STK32B: variants seen among roughly 807,000 people sequenced by gnomAD.
STK32B encodes serine/threonine-protein kinase 32B.
Under a neutral mutation model 52.6 loss-of-function variants are expected in STK32B, and 43 were observed. The observed-to-expected ratio is 0.82, with a 90% CI of 0.64 to 1.05. STK32B has a LOEUF of 1.05. Among genes scored for constraint, STK32B ranks in the 50% least tolerant of loss-of-function variants. The pLI is 0.00. For missense variants in STK32B, 621 were observed against 534.6 expected (o/e 1.16, Z -1.59); for synonymous variants, 238 against 204.3 (o/e 1.17, Z -1.41).
At chr4:5,218,896 C>T (rs1214876568) in intron 3 of STK32B, among the ~76,000 whole-genome samples, 1 of 152,194 alleles carries the variant, frequency 6.6e-6, no homozygotes, top group Non-Finnish European at 1.5e-5. Flanking sequence ...TCCCCTTTGA[C>T]TGCCAGGCCC....
chr4:5,473,447 G>A (rs976553818), intron 11 of STK32B, among the ~76,000 whole-genome samples: 8 of 152,128 alleles, frequency 5.3e-5, no homozygotes, highest in Admixed American at 2.0e-4. Flanking sequence ...CTGTACATCC[G>A]TCCTCTGAGC....
In STK32B at chr4:5,076,542, C is replaced by A. The variant is rs189584874; in HGVS notation, c.52+24627C>A. Among the ~76,000 whole-genome samples the A allele has an allele frequency of 7.9e-5, 12 of 152,266 alleles. No individual in the cohort carries two copies. The East Asian group carries it at 2.3e-3, about 29-fold the overall frequency. On this transcript the variant is annotated intron_variant, in intron 1 of 11. Coordinates refer to ENST00000282908, the MANE Select transcript of STK32B (RefSeq NM_018401.3). ...ATGTCTTCTGAATCACAATTTGTTG[C>A]CCTTTATTGCTGATAAACATTTTTT... is the stretch of plus-strand genomic sequence containing the variant.
intron 3 of STK32B, among the ~76,000 whole-genome samples, chr4:5,183,844 C>A (rs1194441159): frequency 6.6e-6 from 1 of 152,172 alleles, no homozygotes. Flanking sequence ...CCTCTGCTAC[C>A]TTTCAGCTTT....
the STK32B span, among the ~76,000 whole-genome samples, chr4:5,024,911 T>G: frequency 1.3e-5 from 2 of 152,166 alleles, no homozygotes; most frequent in African/African-American, 4.8e-5. Flanking sequence ...TCGGGGGAGC[T>G]GCACCCCCAA....
chr4:5,471,519 T>G (rs1037838979), intron 11 of STK32B, among the ~76,000 whole-genome samples: 2 of 151,962 alleles, frequency 1.3e-5, no homozygotes, highest in Non-Finnish European at 2.9e-5. Context: ...CACCTTGATT[T>G]CAGACTCTAG....
intron 4 of STK32B, among the ~76,000 whole-genome samples, chr4:5,354,124 A>G (rs865914533): frequency 1.6e-4 from 24 of 152,358 alleles, no homozygotes; most frequent in Admixed American, 3.9e-4. Flanking sequence ...AAGTGAAATA[A>G]GCCAGACACA....
intron 7 of STK32B, among the ~76,000 whole-genome samples, chr4:5,449,702 C>T (rs1316766160): frequency 1.3e-5 from 2 of 152,174 alleles, no homozygotes; most frequent in Admixed American, 6.5e-5. Context: ...ACTCACATCA[C>T]CACCTGAGCT....
At chr4:5,322,308 G>C (rs28480677) in intron 3 of STK32B, among the ~76,000 whole-genome samples, 36,562 of 152,068 alleles carry the variant, frequency 0.24, 6,272 homozygotes, top group African/African-American at 0.48. Context: ...TTTCTGTAGC[G>C]TGTGAGGCTA....
chr4:5,143,956 TTCACCA>T (rs1716707319), intron 2 of STK32B, among the ~76,000 whole-genome samples: 1 of 152,202 alleles, frequency 6.6e-6, no homozygotes, highest in East Asian at 1.9e-4. Flanking sequence ...TTGAAGCAAG[TTCACCA>T]TCTGTACCTC....
At chr4:5,490,793 A>T (rs1719662787) in intron 11 of STK32B, among the ~76,000 whole-genome samples, 1 of 152,070 alleles carries the variant, frequency 6.6e-6, no homozygotes, top group African/African-American at 2.4e-5. Flanking sequence ...CTCATTGTTC[A>T]ATTCCCAACT....
At chr4:5,317,328 T>TA in intron 3 of STK32B, among the ~76,000 whole-genome samples, 2 of 33,690 alleles carry the variant, frequency 5.9e-5, no homozygotes, top group African/African-American at 6.0e-4. Context: ...ATAATATATA[T>TA]TACATATATA....
intron 3 of STK32B, among the ~76,000 whole-genome samples, chr4:5,323,871 G>A (rs761878805): frequency 1.3e-5 from 2 of 152,176 alleles, no homozygotes; most frequent in Non-Finnish European, 2.9e-5. Context: ...GTGCTATAGG[G>A]CATCAAGCAC....
rs571574649 is a variant in STK32B at position 5,287,030 on chromosome 4, T to C, written c.261-44190T>C. The stretch of plus-strand genomic sequence containing the variant: ...CCAGGCTGGCCTCTAACTCCTGACC[T>C]CGTGTTCCGCCCACCTCGGCCTCCC... On this transcript the variant is annotated intron_variant, in intron 3 of 11. Transcript: ENST00000282908. Among the ~76,000 whole-genome samples the C allele has an allele frequency of 3.2e-3, 482 of 152,180 alleles. 3 individuals carry two copies. Among genetic ancestry groups the C allele is most frequent in the African/African-American group, 0.011 (460 of 41,524 alleles).
rs77588551 is a variant in STK32B at position 5,145,840 on chromosome 4, C to T, written c.108+5880C>T. Among the ~76,000 whole-genome samples, 162 of 152,138 alleles carry T rather than the reference C, an allele frequency of 1.1e-3. 2 individuals carry two copies. The East Asian group carries it at 0.026, about 24-fold the overall frequency. On this transcript the variant is annotated intron_variant, in intron 2 of 11. Coordinates refer to ENST00000282908, the MANE Select transcript of STK32B (RefSeq NM_018401.3). ...TTTGATACATGAAAGTTTTCTATTT[C>T]GATAAGATCCAATTTGTTGAGTGCT...
intron 3 of STK32B, among the ~76,000 whole-genome samples, chr4:5,329,922 G>T (rs1474118262): frequency 6.6e-6 from 1 of 152,186 alleles, no homozygotes; most frequent in Non-Finnish European, 1.5e-5. Flanking sequence ...CTGTAAGCAT[G>T]TGGTTCTGTT....
chr4:5,411,312 G>C (rs543134771), intron 5 of STK32B, among the ~76,000 whole-genome samples: 95 of 152,336 alleles, frequency 6.2e-4, no homozygotes, highest in African/African-American at 2.2e-3. Context: ...TGGGATTACA[G>C]GCGTGAGCCA....
At chr4:5,468,149 T>C in intron 11 of STK32B, 79 bp downstream of exon 11, 1 of 1,480,048 alleles carries the variant, frequency 6.8e-7, no homozygotes, top group South Asian at 1.1e-5. Context: ...TCACAGTCCC[T>C]GCCCCCCAAA....
chr4:5,183,620 C>A (rs1577155753), intron 3 of STK32B, among the ~76,000 whole-genome samples: 1 of 152,174 alleles, frequency 6.6e-6, no homozygotes, highest in East Asian at 1.9e-4. Context: ...GCATTCAGAA[C>A]ACACACAACA....
intron 11 of STK32B, among the ~76,000 whole-genome samples, chr4:5,487,079 G>C (rs1020271680): frequency 1.3e-5 from 2 of 152,192 alleles, no homozygotes; most frequent in African/African-American, 4.8e-5. Flanking sequence ...CTGTTTCTCT[G>C]AAAGTGTTGT....
Sources: allele counts gnomAD v4.1 joint callset (sites outside exome capture counted in the v4.1 genomes callset), GRCh38; gene constraint gnomAD v4.1.1; transcripts MANE v1.5; gene names NCBI Gene and HGNC (gene_info 2026-07-23, HGNC 2026-07-21).